Variants in SRRM2 observed in about 807,000 individuals in gnomAD.
The protein encoded by SRRM2 is serine/arginine repetitive matrix 2.
SRRM2 carries 30 observed loss-of-function variants against 213.8 expected under a neutral mutation model. That is an observed-to-expected ratio of 0.14 (90% CI 0.10 to 0.19). The LOEUF is 0.19. Ranked by LOEUF, SRRM2 falls within the 10% of genes least tolerant of loss-of-function variation. The pLI, the probability that SRRM2 is intolerant of heterozygous loss-of-function variation, is 1.00. For synonymous variants in SRRM2, 2,025 were observed against 1,377.7 expected (o/e 1.47, Z -10.40); for missense variants, 4,904 against 3,647.0 (o/e 1.34, Z -8.88).
Position 2,761,959 on chromosome 16 carries a change from C to G in SRRM2, c.1431C>G (p.Pro477=). The G allele has an allele frequency of 6.2e-7, 1 of 1,614,108 alleles. No individual in the cohort carries two copies. Among genetic ancestry groups the G allele is most frequent in the Non-Finnish European group, 8.5e-7 (1 of 1,180,000 alleles). The change falls in exon 11 of 15, where the codon CCC becomes CCG. Residue 477 remains proline (P), a synonymous_variant. Coordinates refer to ENST00000301740, the MANE Select transcript of SRRM2 (RefSeq NM_016333.4). The stretch of plus-strand genomic sequence containing the variant: ...GGGATAAATCACATTCTCATACCCC[C>G]TCCCGTAGGATGGGGAGGTCCCGTA... The part of the protein sequence containing the change: ...AKRDKSHSHT[P]SRRMGRSRSP...
Position 2,767,985 on chromosome 16 carries a change from C to A in SRRM2, c.7457C>A (p.Ser2486Tyr). ...SSGAVATTTS[S>Y]AGDHNGMLSV... Reference sequence around the variant, plus strand: ...GGGGCAGTGGCAACGACCACGTCCTCTGCTGGTGATCACAATGGCATGCTC... The same window carrying A: ...GGGGCAGTGGCAACGACCACGTCCTATGCTGGTGATCACAATGGCATGCTC... Residue 2486 changes from serine to tyrosine, a missense_variant, in exon 11 of 15, where the codon TCT (serine) becomes TAT (tyrosine). Transcript: ENST00000301740. 6.2e-7 allele frequency: 1 copy of A among 1,614,200 alleles called. No homozygotes were observed. Among genetic ancestry groups the A allele is most frequent in the Non-Finnish European group, 8.5e-7 (1 of 1,180,038 alleles).
chr16:2,756,751 T>A, intron 2 of SRRM2, 145 bp downstream of exon 2: 1 of 1,175,226 alleles, frequency 8.5e-7, no homozygotes, highest in Non-Finnish European at 1.2e-6. Context: ...TCTAGAGAAG[T>A]GAAAACAGTT....
intron 1 of SRRM2, among the ~76,000 whole-genome samples, chr16:2,754,802 G>T (rs972000107): frequency 6.6e-6 from 1 of 152,158 alleles, no homozygotes; most frequent in Non-Finnish European, 1.5e-5. Context: ...GGGGTGTAGA[G>T]AAATTGATTT....
At position 2,760,399 on chromosome 16, in the gene SRRM2, G is replaced by C. The variant is rs1296546806; in HGVS notation, c.932G>C (p.Ser311Thr). The change falls in exon 10 of 15, where the codon AGT (serine) becomes ACT (threonine). Residue 311 changes from serine to threonine, a missense_variant. Physicochemically the swap from Ser to Thr is moderately conservative, Grantham distance 58. Coordinates refer to ENST00000301740, the MANE Select transcript of SRRM2 (RefSeq NM_016333.4). ...CGCGGGGAGGGAGATGCGCCTTTCA[G>C]TGAACCAGGTACTACCAGCACACAA... is the stretch of plus-strand genomic sequence containing the variant. Reference protein sequence around the residue: ...GRRGEGDAPFSEPGTTSTQRP... With the variant: ...GRRGEGDAPFTEPGTTSTQRP... The C allele has an allele frequency of 1.9e-6, 3 of 1,614,064 alleles. No homozygotes were observed. Among genetic ancestry groups the C allele is most frequent in the Middle Eastern group, 3.3e-4 (2 of 6,084 alleles).
Position 2,768,982 on chromosome 16 carries a change from CCT to C in SRRM2, c.7734-11_7734-10del. 6.2e-7 allele frequency: 1 copy of C among 1,611,908 alleles called. No individual in the cohort carries two copies. Among genetic ancestry groups the C allele is most frequent in the Admixed American group, 1.7e-5 (1 of 59,850 alleles). On this transcript the variant is annotated splice_polypyrimidine_tract_variant and intron_variant, in intron 11 of 14. Transcript: ENST00000301740. Reference sequence around the variant, plus strand: ...GGGCAGCTTGTCTCCTTGTGACACTCCTCTCCTCCCACAGGGTCCCCAGCCCC... The same window carrying C: ...GGGCAGCTTGTCTCCTTGTGACACTCCTCCTCCCACAGGGTCCCCAGCCCC...
chr16:2,767,609 T>A lies in SRRM2; in HGVS notation c.7081T>A (p.Leu2361Met). ...NIAGSRTAAALAPASLTSARM... is the reference protein window; with the variant it reads ...NIAGSRTAAAMAPASLTSARM... Reference sequence around the variant, plus strand: ...TGCCGGCTCCAGAACCGCCGCAGCCTTGGCCCCCGCGAGCCTCACCAGTGC... The same window carrying A: ...TGCCGGCTCCAGAACCGCCGCAGCCATGGCCCCCGCGAGCCTCACCAGTGC... Residue 2361 changes from leucine (L) to methionine (M), a missense_variant, in exon 11 of 15, where the codon TTG (leucine) becomes ATG (methionine). Transcript: ENST00000301740. 1 of 1,614,180 alleles carries A rather than the reference T, an allele frequency of 6.2e-7. No homozygotes were observed. Among genetic ancestry groups the A allele is most frequent in the South Asian group, 1.1e-5 (1 of 91,080 alleles).
chr16:2,767,728 G>A lies in SRRM2; in HGVS notation c.7200G>A (p.Pro2400=), dbSNP rs371813187. 36 of 1,613,486 alleles carry A rather than the reference G, an allele frequency of 2.2e-5. No individual in the cohort carries two copies. The African/African-American group carries it at 2.5e-4, about 11-fold the overall frequency. Residue 2400 remains proline, a synonymous_variant, in exon 11 of 15, where the codon CCG becomes CCA. Coordinates refer to ENST00000301740, the MANE Select transcript of SRRM2 (RefSeq NM_016333.4). ...GTGTCAGTGGCAGAACCTCACCACC[G>A]CTCCTTGACCGAGCTAGGTCCAGAA... The part of the protein sequence containing the change: ...YERVSGRTSP[P]LLDRARSRTP...
rs2068364949 is a variant in SRRM2, at chr16:2,761,913, G to A, written c.1385G>A (p.Arg462His). 12 of 1,613,374 alleles carry A rather than the reference G, an allele frequency of 7.4e-6. No individual in the cohort carries two copies. The South Asian group carries it at 8.8e-5, about 12-fold the overall frequency. Residue 462 changes from arginine to histidine, a missense_variant, in exon 11 of 15, where the codon CGC becomes CAC. Coordinates refer to ENST00000301740, the MANE Select transcript of SRRM2 (RefSeq NM_016333.4). ...TCTTCTTCTCCCACATCTAAGAATC[G>A]CTCACATGGCCGAGCAAAACGGGAT... ...EISSSPTSKN[R>H]SHGRAKRDKS...
In SRRM2 at chr16:2,769,405, G is replaced by C. The variant is rs1367114241; in HGVS notation, c.8021+121G>C. ...GTGGCCTTGGGCATCTGGTTGTGGG[G>C]GAGGAGGCACTTGCTCTCCTCTCCC... On this transcript the variant is annotated intron_variant, in intron 12 of 14. Coordinates refer to ENST00000301740, the MANE Select transcript of SRRM2 (RefSeq NM_016333.4). 9.5e-6 allele frequency: 11 copies of C among 1,161,074 alleles called. No individual in the cohort carries two copies. The Middle Eastern group carries it at 8.4e-4, about 89-fold the overall frequency. The allele number at this position is 1,161,074 out of a possible 1,614,324, so 71.9% of individuals were successfully genotyped here. A position where few individuals can be genotyped will look rare whatever the true frequency, so the allele number is the denominator to read the frequency against.
chr16:2,763,530 C>G lies in SRRM2; in HGVS notation c.3002C>G (p.Ala1001Gly). 2 of 1,614,144 alleles carry G rather than the reference C, an allele frequency of 1.2e-6. No individual in the cohort carries two copies. Among genetic ancestry groups the G allele is most frequent in the Non-Finnish European group, 1.7e-6 (2 of 1,180,026 alleles). ...GSISPYPKVK[A>G]QTPPGPSLSG... ...ATTTCACCATACCCCAAAGTAAAGGCCCAAACTCCACCGGGGCCAAGTCTT... is the reference window on the plus strand; with the variant it reads ...ATTTCACCATACCCCAAAGTAAAGGGCCAAACTCCACCGGGGCCAAGTCTT... The change falls in exon 11 of 15, where the codon GCC becomes GGC. Residue 1001 changes from alanine (A) to glycine (G), a missense_variant. Physicochemically the swap from Ala to Gly is moderately conservative, Grantham distance 60. Transcript: ENST00000301740.
intron 2 of SRRM2, among the ~76,000 whole-genome samples, 191 bp downstream of exon 2, chr16:2,756,797 G>GGGAAA (rs2068157483): frequency 2.0e-5 from 3 of 152,124 alleles, no homozygotes; most frequent in Admixed American, 6.6e-5. Context: ...AGAAGGCTGT[G>GGGAAA]TGTCTGGGGC....
At chr16:2,768,865 C>T in intron 11 of SRRM2, 132 bp from the exon 12 acceptor site, 1 of 1,533,244 alleles carries the variant, frequency 6.5e-7, no homozygotes, top group Non-Finnish European at 8.8e-7. Context: ...GAATTGCTGG[C>T]TCACGTGGCT....
chr16:2,759,952 A>T (rs1027340702), intron 9 of SRRM2: 4 of 533,960 alleles, frequency 7.5e-6, no homozygotes, highest in Non-Finnish European at 1.3e-5. Flanking sequence ...GGAGGAAGGA[A>T]TCCTTACCCT....
rs753883770 is a variant in SRRM2 at position 2,763,853 on chromosome 16, G to A, written c.3325G>A (p.Ala1109Thr). Residue 1109 changes from alanine (A) to threonine (T), a missense_variant, in exon 11 of 15, where the codon GCA (alanine) becomes ACA (threonine). Coordinates refer to ENST00000301740, the MANE Select transcript of SRRM2 (RefSeq NM_016333.4). ...SRSSSPVTEL[A>T]SRSPIRQDRG... is the part of the protein sequence containing the mutation. ...GTCTTCATCTCCAGTCACTGAGCTG[G>A]CATCCAGATCTCCAATAAGACAAGA... The A allele has an allele frequency of 8.1e-6, 13 of 1,614,038 alleles. No homozygotes were observed. In the East Asian group the frequency reaches 2.7e-4, roughly 33 times the overall value.
At chr16:2,756,801 C>T (rs775588962) in intron 2 of SRRM2, among the ~76,000 whole-genome samples, 195 bp downstream of exon 2, 5 of 151,980 alleles carry the variant, frequency 3.3e-5, no homozygotes, top group Admixed American at 3.3e-4. Flanking sequence ...GGCTGTGTGT[C>T]TGGGGCATAG....
In SRRM2 at chr16:2,765,416, C is replaced by T. The variant is rs751165203; in HGVS notation, c.4888C>T (p.Arg1630Trp). ...SSPEPKAPAP[R>W]ALPRRSRSGS... ...TCCTGAACCTAAAGCTCCAGCCCCT[C>T]GGGCCCTTCCCAGACGAAGCAGATC... The change falls in exon 11 of 15, where the codon CGG (arginine) becomes TGG (tryptophan). Residue 1630 changes from arginine to tryptophan, a missense_variant. Coordinates refer to ENST00000301740, the MANE Select transcript of SRRM2 (RefSeq NM_016333.4). 11 of 1,614,152 alleles carry T rather than the reference C, an allele frequency of 6.8e-6. No individual in the cohort carries two copies. The highest frequency in any genetic ancestry group is 2.2e-5 in the South Asian group (2 of 91,078).
chr16:2,762,474 C>G lies in SRRM2; in HGVS notation c.1946C>G (p.Ser649Cys). Residue 649 changes from serine to cysteine, a missense_variant, in exon 11 of 15, where the codon TCT becomes TGT. Transcript: ENST00000301740. ...GCCAGGAGAAGTGGCAGGTCACGCTCTAGAACCCCAGCTAGACGTGGCCGC... is the reference window on the plus strand; with the variant it reads ...GCCAGGAGAAGTGGCAGGTCACGCTGTAGAACCCCAGCTAGACGTGGCCGC... ...SPARRSGRSR[S>C]RTPARRGRSR... 6.2e-7 allele frequency: 1 copy of G among 1,613,784 alleles called. No individual in the cohort carries two copies.
In SRRM2 at chr16:2,766,982, G is replaced by A. The variant is rs1200038707; in HGVS notation, c.6454G>A (p.Ala2152Thr). 1 of 1,614,130 alleles carries A rather than the reference G, an allele frequency of 6.2e-7. No individual in the cohort carries two copies. The highest frequency in any genetic ancestry group is 2.2e-5 in the East Asian group (1 of 44,878). Residue 2152 changes from alanine to threonine, a missense_variant, in exon 11 of 15, where the codon GCC (alanine) becomes ACC (threonine). By Grantham distance (58) the Ala-to-Thr change is moderately conservative. Coordinates refer to ENST00000301740, the MANE Select transcript of SRRM2 (RefSeq NM_016333.4). The surrounding 1 kb of genome is among the most constrained non-coding windows in gnomAD (Gnocchi z 7.0). ...SRTPMSVLQQ[A>T]GGSMMDGPGP... ...AACACCCATGTCTGTCCTGCAGCAAGCCGGCGGCTCCATGATGGATGGTCC... is the reference window on the plus strand; with the variant it reads ...AACACCCATGTCTGTCCTGCAGCAAACCGGCGGCTCCATGATGGATGGTCC...
Position 2,761,712 on chromosome 16 carries a change from C to G in SRRM2, c.1184C>G (p.Ser395Cys). 6.2e-7 allele frequency: 1 copy of G among 1,606,840 alleles called. No individual in the cohort carries two copies. Among genetic ancestry groups the G allele is most frequent in the Non-Finnish European group, 8.5e-7 (1 of 1,176,280 alleles). The change falls in exon 11 of 15, where the codon TCT (serine) becomes TGT (cysteine). Residue 395 changes from serine (S) to cysteine (C), a missense_variant. By Grantham distance (112) the Ser-to-Cys change is moderately radical. Coordinates refer to ENST00000301740, the MANE Select transcript of SRRM2 (RefSeq NM_016333.4). The part of the protein sequence containing the change: ...PLSQEPVNPP[S>C]EASPTRDRSP... ...AGCCAGGAGCCAGTGAACCCCCCATCTGAGGCCTCTCCAACTCGGGACCGT... is the reference window on the plus strand; with the variant it reads ...AGCCAGGAGCCAGTGAACCCCCCATGTGAGGCCTCTCCAACTCGGGACCGT...
Sources: gnomAD v4.1 joint callset for allele counts (sites outside exome capture counted in the v4.1 genomes callset) on GRCh38, gnomAD v4.1.1 for gene constraint, Gnocchi (gnomAD v3.1) non-coding constraint, MANE v1.5 for transcripts, NCBI Gene and HGNC (gene_info 2026-07-23, HGNC 2026-07-21) for gene names.